Variants in EDC4 observed in about 807,000 individuals in gnomAD.
EDC4 encodes the protein enhancer of mRNA-decapping protein 4.
EDC4 carries 64 observed loss-of-function variants against 155.8 expected under a neutral mutation model. That is an observed-to-expected ratio of 0.41 (90% CI 0.34 to 0.51). EDC4 has a LOEUF of 0.51. Ranked by LOEUF, EDC4 falls within the 20% of genes least tolerant of loss-of-function variation. EDC4 has a pLI of 0.19. For synonymous variants in EDC4, 684 were observed against 716.8 expected (o/e 0.95, Z 0.73); for missense variants, 1,303 against 1,812.5 (o/e 0.72, Z 5.10).
At position 67,882,990 on chromosome 16, in the gene EDC4, G is replaced by A. The variant is rs986628771; in HGVS notation, c.3662G>A (p.Arg1221His). 9.9e-6 allele frequency: 16 copies of A among 1,614,124 alleles called. No homozygotes were observed. Among genetic ancestry groups the A allele is most frequent in the Admixed American group, 3.3e-5 (2 of 60,014 alleles). ...GAGTCCATTTTAGCACAGGTACAGCGCATCGTTAAGGGTGAGGTGAGTGTG... is the reference window on the plus strand; with the variant it reads ...GAGTCCATTTTAGCACAGGTACAGCACATCGTTAAGGGTGAGGTGAGTGTG... ...LQESILAQVQRIVKGEVSVAL... is the reference protein window; with the variant it reads ...LQESILAQVQHIVKGEVSVAL... Residue 1221 changes from arginine (R) to histidine (H), a missense_variant, in exon 27 of 29, where the codon CGC (arginine) becomes CAC (histidine). Physicochemically the swap from Arg to His is conservative, Grantham distance 29. Transcript: ENST00000358933. The surrounding 1 kb of genome is among the most constrained non-coding windows in gnomAD (Gnocchi z 7.2).
rs372135368 is a variant in EDC4 at position 67,877,296 on chromosome 16, C to G, written c.531C>G (p.Gly177=). ...SERTLLKGFT[G]SVADLAFAHL... is the part of the protein sequence containing the mutation. ...GGACCTTGCTCAAGGGCTTCACAGG[C>G]AGTGTGGCTGATCTGGCTTTCGCGC... The change falls in exon 5 of 29, where the codon GGC becomes GGG. Residue 177 remains glycine (G), a synonymous_variant. Coordinates refer to ENST00000358933, the MANE Select transcript of EDC4 (RefSeq NM_014329.5). This position sits in a 1 kb window ranked among gnomAD's most constrained non-coding sequence, Gnocchi z 4.9. 1.3e-4 allele frequency: 209 copies of G among 1,614,090 alleles called. No individual in the cohort carries two copies. The highest frequency in any genetic ancestry group is 3.0e-4 in the Admixed American group (18 of 60,000).
At position 67,873,208 on chromosome 16, in the gene EDC4, G is replaced by C; in HGVS notation, c.-54G>C. 7.7e-7 allele frequency: 1 copy of C among 1,300,186 alleles called. No homozygotes were observed. The highest frequency in any genetic ancestry group is 3.1e-5 in the East Asian group (1 of 31,992). 80.5% of individuals were successfully genotyped at this position (1,300,186 alleles called of 1,614,324 possible). A position where few individuals can be genotyped will look rare whatever the true frequency, so the allele number is the denominator to read the frequency against. On this transcript the variant is annotated 5_prime_UTR_variant, in exon 1 of 29. Transcript: ENST00000358933. ...TGGCGGGTGAGCGAGGGTGCGTGGTGCGCGGCGGCGGCGGAACGAACGCGG... is the reference window on the plus strand; with the variant it reads ...TGGCGGGTGAGCGAGGGTGCGTGGTCCGCGGCGGCGGCGGAACGAACGCGG...
Position 67,876,143 on chromosome 16 carries a change from G to A in EDC4, c.239+42G>A. Reference sequence around the variant, plus strand: ...CGACAATAGTGGTGATGGTGTATTTGGGGTGTCTGCTAGCTGAAGGCATGA... The same window carrying A: ...CGACAATAGTGGTGATGGTGTATTTAGGGTGTCTGCTAGCTGAAGGCATGA... On this transcript the variant is annotated intron_variant, in intron 2 of 28. Transcript: ENST00000358933. The surrounding 1 kb of genome is among the most constrained non-coding windows in gnomAD (Gnocchi z 5.8). 6.3e-7 allele frequency: 1 copy of A among 1,594,640 alleles called. No individual in the cohort carries two copies. The highest frequency in any genetic ancestry group is 8.6e-7 in the Non-Finnish European group (1 of 1,164,262).
chr16:67,879,983 G>A lies in EDC4; in HGVS notation c.1943+12G>A, dbSNP rs1048535528. On this transcript the variant is annotated intron_variant, in intron 16 of 28. Coordinates refer to ENST00000358933, the MANE Select transcript of EDC4 (RefSeq NM_014329.5). The surrounding 1 kb of genome is among the most constrained non-coding windows in gnomAD (Gnocchi z 6.0). ...CCCTCCTTGACCAGGTGAGGCAAGG[G>A]TCAGAGATGGAGGATGGCAGGGGCT... 1.2e-6 allele frequency: 2 copies of A among 1,600,418 alleles called. No individual in the cohort carries two copies. Among genetic ancestry groups the A allele is most frequent in the East Asian group, 2.2e-5 (1 of 44,660 alleles).
rs1029367275 is a variant in EDC4, at chr16:67,881,538, G to A, written c.2826+5G>A. 3 of 1,613,780 alleles carry A rather than the reference G, an allele frequency of 1.9e-6. No individual in the cohort carries two copies. The highest frequency in any genetic ancestry group is 2.5e-6 in the Non-Finnish European group (3 of 1,180,030). ...TCCCGGCTCACAGAGCACCAGGTAA[G>A]TGAATGAGCCCACTTTGTACTTGTG... is the stretch of plus-strand genomic sequence containing the variant. On this transcript the variant is annotated splice_donor_5th_base_variant and intron_variant, in intron 21 of 28. Coordinates refer to ENST00000358933, the MANE Select transcript of EDC4 (RefSeq NM_014329.5). The surrounding 1 kb of genome is among the most constrained non-coding windows in gnomAD (Gnocchi z 5.4).
In EDC4 at chr16:67,882,957, G is replaced by A. The variant is rs1358571159; in HGVS notation, c.3630-1G>A. On this transcript the variant is annotated splice_acceptor_variant, in intron 26 of 28. Transcript: ENST00000358933. LOFTEE classifies it high-confidence loss of function. The surrounding 1 kb of genome is among the most constrained non-coding windows in gnomAD (Gnocchi z 7.2). ...TTCACCTCACTCACTTCCCTTTGCA[G>A]CCTGCAGGAGTCCATTTTAGCACAG... 6.2e-7 allele frequency: 1 copy of A among 1,613,800 alleles called. No individual in the cohort carries two copies. The highest frequency in any genetic ancestry group is 1.1e-5 in the South Asian group (1 of 91,086).
rs2058045171 is a variant in EDC4 at position 67,877,150 on chromosome 16, G to A, written c.452-67G>A. The A allele has an allele frequency of 1.3e-6, 2 of 1,549,562 alleles. No individual in the cohort carries two copies. The highest frequency in any genetic ancestry group is 2.3e-5 in the East Asian group (1 of 43,814). ...TGGTGGTGGCAGGGAGACAGGTGGG[G>A]CAGCGCTTCTCTGCTACTGCCTGAG... On this transcript the variant is annotated intron_variant, in intron 4 of 28. Transcript: ENST00000358933. This position sits in a 1 kb window ranked among gnomAD's most constrained non-coding sequence, Gnocchi z 4.9.
In EDC4 at chr16:67,879,009, T is replaced by G; in HGVS notation, c.1340T>G (p.Phe447Cys). 6.2e-7 allele frequency: 1 copy of G among 1,612,354 alleles called. No individual in the cohort carries two copies. Among genetic ancestry groups the G allele is most frequent in the East Asian group, 2.2e-5 (1 of 44,892 alleles). The change falls in exon 12 of 29, where the codon TTC (phenylalanine) becomes TGC (cysteine). Residue 447 changes from phenylalanine (F) to cysteine (C), a missense_variant. Physicochemically the swap from Phe to Cys is radical, Grantham distance 205 (BLOSUM62 -2). Around this residue, in one of 5 missense-constraint regions of EDC4, gnomAD observed 235 missense variants for 367.7 expected, o/e 0.64. Coordinates refer to ENST00000358933, the MANE Select transcript of EDC4 (RefSeq NM_014329.5). The surrounding 1 kb of genome is among the most constrained non-coding windows in gnomAD (Gnocchi z 6.0). ...LQNQEEGHAC[F>C]SSISEFLLTH... ...AACCAGGAGGAGGGCCACGCCTGCT[T>G]CAGCTCCATCTCGGAGTTCCTGCTC...
rs1598175330 is a variant in EDC4 at position 67,876,535 on chromosome 16, A to C, written c.287A>C (p.Lys96Thr). Reference sequence around the variant, plus strand: ...TCCACCTGCATTGGGATTTTGGCCAAGGAGGTGGAGATTGTGGCTAGCAGT... The same window carrying C: ...TCCACCTGCATTGGGATTTTGGCCACGGAGGTGGAGATTGTGGCTAGCAGT... Reference protein sequence around the residue: ...DSSTCIGILAKEVEIVASSDS... With the variant: ...DSSTCIGILATEVEIVASSDS... Residue 96 changes from lysine (K) to threonine (T), a missense_variant, in exon 3 of 29, where the codon AAG (lysine) becomes ACG (threonine). Physicochemically the swap from Lys to Thr is moderately conservative, Grantham distance 78. Around this residue, in one of 5 missense-constraint regions of EDC4, gnomAD observed 51 missense variants for 121.1 expected, o/e 0.42. Transcript: ENST00000358933. This position sits in a 1 kb window ranked among gnomAD's most constrained non-coding sequence, Gnocchi z 5.8. 1 of 1,614,152 alleles carries C rather than the reference A, an allele frequency of 6.2e-7. No individual in the cohort carries two copies. Among genetic ancestry groups the C allele is most frequent in the South Asian group, 1.1e-5 (1 of 91,068 alleles).
chr16:67,882,584 G>C lies in EDC4; in HGVS notation c.3432G>C (p.Gly1144=), dbSNP rs752964539. Residue 1144 remains glycine (G), a synonymous_variant, in exon 25 of 29, where the codon GGG becomes GGC. Transcript: ENST00000358933. The surrounding 1 kb of genome is among the most constrained non-coding windows in gnomAD (Gnocchi z 7.2). ...AAATCAATGATAGCTTCCGGCTGGG[G>C]ACACAGGAATGTGAGTGGGGTCATA... ...FQQINDSFRL[G]TQEYLQQLES... is the part of the protein sequence containing the mutation. 6.2e-7 allele frequency: 1 copy of C among 1,614,248 alleles called. No individual in the cohort carries two copies. Among genetic ancestry groups the C allele is most frequent in the South Asian group, 1.1e-5 (1 of 91,086 alleles).
Position 67,877,416 on chromosome 16 carries a change from C to A in EDC4, c.641+10C>A. Reference sequence around the variant, plus strand: ...TTAATGGCAAAATTCAGTATCCATTCCTTCCTGTGGGTGGTGGGACTGAAG... The same window carrying A: ...TTAATGGCAAAATTCAGTATCCATTACTTCCTGTGGGTGGTGGGACTGAAG... On this transcript the variant is annotated intron_variant, in intron 5 of 28. Transcript: ENST00000358933. The surrounding 1 kb of genome is among the most constrained non-coding windows in gnomAD (Gnocchi z 4.9). 1 of 1,611,786 alleles carries A rather than the reference C, an allele frequency of 6.2e-7. No individual in the cohort carries two copies. Among genetic ancestry groups the A allele is most frequent in the South Asian group, 1.1e-5 (1 of 90,994 alleles).
rs770913296 is a variant in EDC4 at position 67,880,615 on chromosome 16, T to C, written c.2156T>C (p.Leu719Pro). The C allele has an allele frequency of 3.7e-6, 6 of 1,614,154 alleles. No homozygotes were observed. The South Asian group carries it at 4.4e-5, about 12-fold the overall frequency. Residue 719 changes from leucine (L) to proline (P), a missense_variant, in exon 18 of 29, where the codon CTA becomes CCA. Physicochemically the swap from Leu to Pro is moderately conservative, Grantham distance 98. This residue lies in a region of EDC4 where 391 missense variants were observed against 445.4 expected (regional missense o/e 0.88). Transcript: ENST00000358933. The surrounding 1 kb of genome is among the most constrained non-coding windows in gnomAD (Gnocchi z 5.2). ...CTGCAGGAAGTGGAGCCCCTGGGGC[T>C]ACCCCAAGCCTCCCCTAGCCGCACT... ...LELQEVEPLG[L>P]PQASPSRTRS...
chr16:67,877,334 C>T lies in EDC4; in HGVS notation c.569C>T (p.Pro190Leu). 6.2e-7 allele frequency: 1 copy of T among 1,614,170 alleles called. No individual in the cohort carries two copies. The highest frequency in any genetic ancestry group is 8.5e-7 in the Non-Finnish European group (1 of 1,180,042). Residue 190 changes from proline (P) to leucine (L), a missense_variant, in exon 5 of 29, where the codon CCA becomes CTA. Transcript: ENST00000358933. The surrounding 1 kb of genome is among the most constrained non-coding windows in gnomAD (Gnocchi z 4.9). Reference protein sequence around the residue: ...ADLAFAHLNSPQLACLDEAGN... With the variant: ...ADLAFAHLNSLQLACLDEAGN... The stretch of plus-strand genomic sequence containing the variant: ...CTGGCTTTCGCGCACCTCAACTCTC[C>T]ACAGCTGGCCTGCCTGGATGAGGCA...
chr16:67,873,473 G>A, intron 1 of EDC4, 130 bp downstream of exon 1: 1 of 716,516 alleles, frequency 1.4e-6, no homozygotes, highest in African/African-American at 1.9e-5. Flanking sequence ...GGGTGGACGG[G>A]GATTGACTGT....
chr16:67,877,917 C>T lies in EDC4; in HGVS notation c.894+72C>T, dbSNP rs1371953930. Reference sequence around the variant, plus strand: ...ATCCATCTTCTGTTCCCTATATCCACAGCTGCCCGGGCAGCTTTACTAGCA... The same window carrying T: ...ATCCATCTTCTGTTCCCTATATCCATAGCTGCCCGGGCAGCTTTACTAGCA... On this transcript the variant is annotated intron_variant, in intron 7 of 28. Coordinates refer to ENST00000358933, the MANE Select transcript of EDC4 (RefSeq NM_014329.5). The surrounding 1 kb of genome is among the most constrained non-coding windows in gnomAD (Gnocchi z 4.9). 4.4e-6 allele frequency: 7 copies of T among 1,585,764 alleles called. No homozygotes were observed. Among genetic ancestry groups the T allele is most frequent in the Non-Finnish European group, 6.0e-6 (7 of 1,164,496 alleles).
Position 67,882,555 on chromosome 16 carries a change from C to T in EDC4, c.3403C>T (p.Gln1135Ter). The change falls in exon 25 of 29, where the codon CAG (glutamine) becomes TAG (stop). Residue 1135 changes from glutamine to a stop codon, truncating the protein, a stop_gained. Transcript: ENST00000358933. LOFTEE classifies it high-confidence loss of function. The surrounding 1 kb of genome is among the most constrained non-coding windows in gnomAD (Gnocchi z 7.2). ...AFEKSCQAMF[Q>*]QINDSFRLGT... ...TGAGAAGAGCTGCCAGGCCATGTTC[C>T]AGCAAATCAATGATAGCTTCCGGCT... The T allele has an allele frequency of 6.2e-7, 1 of 1,614,208 alleles. No homozygotes were observed. Among genetic ancestry groups the T allele is most frequent in the East Asian group, 2.2e-5 (1 of 44,886 alleles).
In EDC4 at chr16:67,879,670, G is replaced by A. The variant is rs777013135; in HGVS notation, c.1717G>A (p.Val573Met). The A allele has an allele frequency of 1.1e-5, 18 of 1,614,058 alleles. No homozygotes were observed. Among genetic ancestry groups the A allele is most frequent in the Admixed American group, 5.0e-5 (3 of 60,004 alleles). Residue 573 changes from valine (V) to methionine (M), a missense_variant, in exon 15 of 29, where the codon GTG becomes ATG. This residue lies in a region of EDC4 where 391 missense variants were observed against 445.4 expected (regional missense o/e 0.88). Transcript: ENST00000358933. This position sits in a 1 kb window ranked among gnomAD's most constrained non-coding sequence, Gnocchi z 6.0. ...CTCCCAGCCTGACCTCCGACGAATC[G>A]TGGAGCTGCCTGCACCTGCCGACTT... ...HGSQPDLRRI[V>M]ELPAPADFLS...
Position 67,879,658 on chromosome 16 carries a change from C to G in EDC4, c.1705C>G (p.Leu569Val). The change falls in exon 15 of 29, where the codon CTC (leucine) becomes GTC (valine). Residue 569 changes from leucine to valine, a missense_variant. By Grantham distance (32) the Leu-to-Val change is conservative. Coordinates refer to ENST00000358933, the MANE Select transcript of EDC4 (RefSeq NM_014329.5). This position sits in a 1 kb window ranked among gnomAD's most constrained non-coding sequence, Gnocchi z 6.0. ...AGCCGCTCACGGCTCCCAGCCTGAC[C>G]TCCGACGAATCGTGGAGCTGCCTGC... is the stretch of plus-strand genomic sequence containing the variant. ...GSAAHGSQPD[L>V]RRIVELPAPA... 6.2e-7 allele frequency: 1 copy of G among 1,614,200 alleles called. No homozygotes were observed. The highest frequency in any genetic ancestry group is 8.5e-7 in the Non-Finnish European group (1 of 1,180,034).
In EDC4 at chr16:67,879,058, T is replaced by G. The variant is rs763964835; in HGVS notation, c.1389T>G (p.Gly463=). 6.2e-7 allele frequency: 1 copy of G among 1,613,298 alleles called. No individual in the cohort carries two copies. The highest frequency in any genetic ancestry group is 1.7e-5 in the Admixed American group (1 of 60,020). ...FLLTHPVLSF[G]IQVVSRCRLR... ...TCACCCACCCTGTGCTGAGCTTTGG[T>G]ATCCAGGTTGTGAGTCGCTGCCGGC... Residue 463 remains glycine, a synonymous_variant, in exon 12 of 29, where the codon GGT becomes GGG. Coordinates refer to ENST00000358933, the MANE Select transcript of EDC4 (RefSeq NM_014329.5). The surrounding 1 kb of genome is among the most constrained non-coding windows in gnomAD (Gnocchi z 6.0).
Sources: gnomAD v4.1 joint callset for allele counts on GRCh38, gnomAD v4.1.1 for gene constraint, gnomAD v4.1.1 regional missense constraint, Gnocchi (gnomAD v3.1) non-coding constraint, MANE v1.5 for transcripts, NCBI Gene and HGNC (gene_info 2026-07-23, HGNC 2026-07-21) for gene names.